Variants in ARMC6 observed in about 807,000 individuals in gnomAD.
ARMC6 encodes armadillo repeat-containing protein 6.
In ARMC6, 43 loss-of-function variants were observed where a neutral mutation model predicts 49.2. That is an observed-to-expected ratio of 0.87 (90% CI 0.69 to 1.13). The LOEUF (loss-of-function observed/expected upper bound fraction) is 1.13, where lower values mean the gene tolerates loss of function less well. ARMC6 is among the 50% of genes most tolerant of loss of function. The pLI is 0.00. For missense variants in ARMC6, 627 were observed against 682.0 expected, an observed-to-expected ratio of 0.92 and a Z score of 0.90; for synonymous variants, 262 against 289.6, an observed-to-expected ratio of 0.90 and a Z score of 0.97.
chr19:19,052,611 C>T (rs11666340), intron 5 of ARMC6, among the ~76,000 whole-genome samples: 106,384 of 152,092 alleles, frequency 0.7, 37,734 homozygotes, highest in East Asian at 0.89. Context: ...TAGGCATATT[C>T]ATGTGTCTGG....
intron 4 of ARMC6, among the ~76,000 whole-genome samples, chr19:19,051,317 T>C (rs1024292534): frequency 2.6e-5 from 4 of 152,134 alleles, no homozygotes; most frequent in Admixed American, 6.5e-5. Flanking sequence ...TATGTCTGCA[T>C]TTATGTGTGC....
Position 19,057,745 on chromosome 19 carries a change from T to C in ARMC6, c.*117T>C. 9.2e-7 allele frequency: 1 copy of C among 1,091,220 alleles called. No homozygotes were observed. Among genetic ancestry groups the C allele is most frequent in the Non-Finnish European group, 1.4e-6 (1 of 732,708 alleles). The allele number at this position is 1,091,220 out of a possible 1,614,324, so 67.6% of individuals were successfully genotyped here. A position where few individuals can be genotyped will look rare whatever the true frequency, so the allele number is the denominator to read the frequency against. On this transcript the variant is annotated 3_prime_UTR_variant, in exon 9 of 9. Coordinates refer to ENST00000535612, the MANE Select transcript of ARMC6 (RefSeq NM_001199196.2). Reference sequence around the variant, plus strand: ...TGTCCCCTTCACAATGAGAAGTGTTTTCTGGCAGGCCCTAGGTAAAGGGTC... The same window carrying C: ...TGTCCCCTTCACAATGAGAAGTGTTCTCTGGCAGGCCCTAGGTAAAGGGTC...
intron 3 of ARMC6, 121 bp from the exon 4 acceptor site, chr19:19,043,871 C>G: frequency 1.2e-6 from 1 of 826,860 alleles, no homozygotes. Flanking sequence ...AGGTGGGAGG[C>G]TTCTGGAGTG....
rs576168823 is a variant in ARMC6, at chr19:19,042,856, G to A, written c.175G>A (p.Val59Met). Residue 59 changes from valine to methionine, a missense_variant, in exon 3 of 9, where the codon GTG (valine) becomes ATG (methionine). Transcript: ENST00000535612. The stretch of plus-strand genomic sequence containing the variant: ...GCCAGAGGAGGCAGTGAAAGAGGCC[G>A]TGGAGCAGTTTGAATCGCAAGGTAG... ...MGPEEAVKEA[V>M]EQFESQGVDL... 89 of 1,613,924 alleles carry A rather than the reference G, an allele frequency of 5.5e-5. No homozygotes were observed. The East Asian group carries it at 1.2e-3, about 21-fold the overall frequency.
At chr19:19,045,244 C>T (rs1167113317) in intron 4 of ARMC6, among the ~76,000 whole-genome samples, 1 of 152,062 alleles carries the variant, frequency 6.6e-6, no homozygotes, top group Non-Finnish European at 1.5e-5. Flanking sequence ...AACTCCTGAC[C>T]TCAGGTTATC....
Position 19,057,759 on chromosome 19 carries a change from A to C in ARMC6, c.*131A>C. ...TGAGAAGTGTTTTCTGGCAGGCCCT[A>C]GGTAAAGGGTCGGGGGAGGGGGGAG... On this transcript the variant is annotated 3_prime_UTR_variant, in exon 9 of 9. Coordinates refer to ENST00000535612, the MANE Select transcript of ARMC6 (RefSeq NM_001199196.2). The C allele has an allele frequency of 4.7e-6, 3 of 642,634 alleles. No homozygotes were observed. Among genetic ancestry groups the C allele is most frequent in the Non-Finnish European group, 8.3e-6 (3 of 362,238 alleles). 39.8% of individuals were successfully genotyped at this position (642,634 alleles called of 1,614,324 possible).
chr19:19,056,419 G>A (rs1452956401), intron 8 of ARMC6, among the ~76,000 whole-genome samples: 13 of 151,972 alleles, frequency 8.6e-5, no homozygotes, highest in Admixed American at 1.3e-4. Flanking sequence ...GGGCCACCAC[G>A]CCCAGCTAAT....
chr19:19,045,776 C>G (rs111988328), intron 4 of ARMC6, among the ~76,000 whole-genome samples: 3 of 151,702 alleles, frequency 2.0e-5, no homozygotes, highest in Admixed American at 6.6e-5. Flanking sequence ...CTCAGCCTCC[C>G]GAGTAGCTGG....
intron 4 of ARMC6, among the ~76,000 whole-genome samples, chr19:19,046,928 T>TTTTG (rs34031147): frequency 0.043 from 154 of 3,598 alleles, 8 homozygotes; most frequent in South Asian, 0.37. Context: ...TGCTCACCTG[T>TTTTG]TTTTTTTTTT....
chr19:19,054,403 C>T (rs2059526125), intron 6 of ARMC6, 82 bp downstream of exon 6: 9 of 1,347,884 alleles, frequency 6.7e-6, no homozygotes, highest in Non-Finnish European at 8.8e-6. Flanking sequence ...ACAAGCCAGC[C>T]CTGCCTGCCA....
At chr19:19,042,990 G>C in intron 3 of ARMC6, 113 bp downstream of exon 3, 1 of 1,279,914 alleles carries the variant, frequency 7.8e-7, no homozygotes, top group Non-Finnish European at 1.0e-6. Flanking sequence ...TAGAAACCAG[G>C]TGCCATTGGG....
intron 2 of ARMC6, among the ~76,000 whole-genome samples, chr19:19,041,195 C>G (rs1003521818): frequency 2.0e-5 from 3 of 152,108 alleles, no homozygotes; most frequent in African/African-American, 4.8e-5. Context: ...ATTCAGTGCT[C>G]CTGTGCTGTC....
chr19:19,043,970 T>C, intron 3 of ARMC6, 22 bp from the exon 4 acceptor site: 3 of 1,610,940 alleles, frequency 1.9e-6, no homozygotes, highest in Non-Finnish European at 1.7e-6. Flanking sequence ...CCCTGTGTGC[T>C]TGCTTCCCCC....
chr19:19,055,946 TG>T lies in ARMC6; in HGVS notation c.1293+23del. ...GCGTGCAGGTGGGCAGGGCAGGGGA[TG>T]GGGGCAGGCAGGCTGGTGTGGGATG... is the stretch of plus-strand genomic sequence containing the variant. On this transcript the variant is annotated intron_variant, in intron 8 of 8. Transcript: ENST00000535612. This position sits in a 1 kb window ranked among gnomAD's most constrained non-coding sequence, Gnocchi z 5.7. 2 of 1,600,794 alleles carry T rather than the reference TG, an allele frequency of 1.2e-6. No homozygotes were observed.
intron 4 of ARMC6, among the ~76,000 whole-genome samples, chr19:19,048,698 G>C (rs2059471830): frequency 6.6e-6 from 1 of 152,148 alleles, no homozygotes. Context: ...AAAGGTGCCA[G>C]ACTCTTAGTT....
At chr19:19,037,962 G>A (rs1043220706) in intron 2 of ARMC6, among the ~76,000 whole-genome samples, 7 of 152,178 alleles carry the variant, frequency 4.6e-5, no homozygotes, top group African/African-American at 1.2e-4. Flanking sequence ...TAGGGTGAGC[G>A]AGTGAAGCTT....
chr19:19,051,373 CTCTGTGTG>C (rs1367388017), intron 4 of ARMC6, among the ~76,000 whole-genome samples: 1,791 of 115,076 alleles, frequency 0.016, 28 homozygotes, highest in African/African-American at 0.06. Flanking sequence ...CTCTCTCTCT[CTCTGTGTG>C]TGTGTGTGTG....
At chr19:19,037,485 GC>G in intron 2 of ARMC6, 1 of 409,198 alleles carries the variant, frequency 2.4e-6, no homozygotes, top group Non-Finnish European at 4.7e-6. Flanking sequence ...TCCCACCTCA[GC>G]CTCCCAAATA....
chr19:19,034,351 G>A, intron 2 of ARMC6, 113 bp downstream of exon 2: 2 of 1,337,204 alleles, frequency 1.5e-6, no homozygotes, highest in Non-Finnish European at 2.1e-6. Context: ...GAGAAAGGCG[G>A]GGAAGAGGAA....
Sources: allele counts gnomAD v4.1 joint callset (sites outside exome capture counted in the v4.1 genomes callset), GRCh38; gene constraint gnomAD v4.1.1; non-coding constraint Gnocchi (gnomAD v3.1); transcripts MANE v1.5; gene names NCBI Gene and HGNC (gene_info 2026-07-23, HGNC 2026-07-21).